ATRN: variants seen among roughly 807,000 people sequenced by gnomAD.
ATRN encodes the protein attractin.
In ATRN, 54 loss-of-function variants were observed where a neutral mutation model predicts 178.7. The observed-to-expected ratio is 0.30, with a 90% CI of 0.24 to 0.38. The LOEUF (loss-of-function observed/expected upper bound fraction) is 0.38. Ranked by LOEUF, ATRN falls within the 10% of genes least tolerant of loss-of-function variation. The pLI, the probability that ATRN is intolerant of heterozygous loss-of-function variation, is 1.00. For synonymous variants in ATRN, 636 were observed against 663.0 expected (o/e 0.96, Z 0.63); for missense variants, 1,443 against 1,815.1 (o/e 0.79, Z 3.73).
chr20:3,479,938 A>T (rs1300116967), intron 1 of ATRN, among the ~76,000 whole-genome samples: 3 of 152,216 alleles, frequency 2.0e-5, no homozygotes, highest in Non-Finnish European at 4.4e-5. Context: ...ACTTTGTTGC[A>T]TCTGCCAAGA....
At position 3,560,805 on chromosome 20, in the gene ATRN, A is replaced by G. The variant is rs759827235; in HGVS notation, c.1347A>G (p.Ala449=). 1.9e-6 allele frequency: 3 copies of G among 1,614,194 alleles called. No homozygotes were observed. The highest frequency in any genetic ancestry group is 3.3e-5 in the Admixed American group (2 of 60,022). ...AGTATGCAGTGGTTGGGCACTCTGC[A>G]CACATTGTTACACTGAAGAATGGCC... The part of the protein sequence containing the change: ...KEQYAVVGHS[A]HIVTLKNGRV... Residue 449 remains alanine (A), a synonymous_variant, in exon 8 of 29, where the codon GCA becomes GCG. Transcript: ENST00000262919.
At chr20:3,537,286 A>G (rs1250214261) in intron 2 of ATRN, among the ~76,000 whole-genome samples, 1 of 152,094 alleles carries the variant, frequency 6.6e-6, no homozygotes, top group Non-Finnish European at 1.5e-5. Context: ...TGCTTTCCTC[A>G]TTTTTAAGAA....
chr20:3,603,603 C>T (rs952714942), intron 23 of ATRN, among the ~76,000 whole-genome samples: 13 of 152,118 alleles, frequency 8.5e-5, no homozygotes, highest in Admixed American at 1.3e-4. Context: ...GATTCTCCTG[C>T]CTCAGCCTGC....
intron 1 of ATRN, among the ~76,000 whole-genome samples, chr20:3,523,613 C>T (rs888658098): frequency 2.0e-5 from 3 of 152,158 alleles, no homozygotes; most frequent in Non-Finnish European, 4.4e-5. Flanking sequence ...GACATATAAT[C>T]GTCAGATTCA....
intron 1 of ATRN, among the ~76,000 whole-genome samples, chr20:3,492,168 A>AGTGTGTGT (rs58489496): frequency 0.044 from 6,191 of 140,602 alleles, 207 homozygotes; most frequent in East Asian, 0.079. Flanking sequence ...TAGATAGGGG[A>AGTGTGTGT]GTGTGTGTGT....
intron 1 of ATRN, among the ~76,000 whole-genome samples, chr20:3,522,850 A>G (rs1045876474): frequency 2.0e-5 from 3 of 152,186 alleles, no homozygotes; most frequent in African/African-American, 7.2e-5. Context: ...ACTAACAAAC[A>G]GAAAGGAATA....
chr20:3,596,281 C>CT, intron 20 of ATRN, 96 bp from the exon 21 acceptor site: 2 of 1,271,522 alleles, frequency 1.6e-6, no homozygotes, highest in Non-Finnish European at 2.3e-6. Context: ...TGGCTCCAGA[C>CT]TATCTGTACT....
Position 3,471,482 on chromosome 20 carries a change from G to C in ATRN, c.375G>C (p.Val125=). Residue 125 remains valine (V), a synonymous_variant, in exon 1 of 29, where the codon GTG becomes GTC. Coordinates refer to ENST00000262919, the MANE Select transcript of ATRN (RefSeq NM_139321.3). The part of the protein sequence containing the change: ...TGQCVCPAGW[V]GEQCQHCGGR... ...AGTGCGTCTGCCCCGCCGGCTGGGT[G>C]GGCGAGCAATGCCAGCACTGCGGGG... 1 of 1,411,262 alleles carries C rather than the reference G, an allele frequency of 7.1e-7. No homozygotes were observed. Among genetic ancestry groups the C allele is most frequent in the Non-Finnish European group, 9.2e-7 (1 of 1,091,486 alleles). The allele number at this position is 1,411,262 out of a possible 1,614,324, so 87.4% of individuals were successfully genotyped here. A position where few individuals can be genotyped will look rare whatever the true frequency, so the allele number is the denominator to read the frequency against.
intron 1 of ATRN, among the ~76,000 whole-genome samples, chr20:3,534,325 C>CT (rs954144137): frequency 6.6e-6 from 1 of 151,944 alleles, no homozygotes; most frequent in African/African-American, 2.4e-5. Context: ...GGTCAGGGTG[C>CT]TTTTTTTGTG....
intron 3 of ATRN, among the ~76,000 whole-genome samples, chr20:3,544,967 A>T (rs1250977358): frequency 6.6e-6 from 1 of 152,158 alleles, no homozygotes; most frequent in African/African-American, 2.4e-5. Flanking sequence ...AAAATGGAAT[A>T]TACAATGTAA....
intron 1 of ATRN, among the ~76,000 whole-genome samples, chr20:3,497,682 G>A (rs2084900043): frequency 6.6e-6 from 1 of 152,054 alleles, no homozygotes; most frequent in Admixed American, 6.6e-5. Context: ...GGCGTTCTCT[G>A]TATTTCCTGA....
intron 24 of ATRN, among the ~76,000 whole-genome samples, chr20:3,621,704 T>A (rs7261782): frequency 0.032 from 4,881 of 152,260 alleles, 247 homozygotes; most frequent in African/African-American, 0.11. Flanking sequence ...TATTTCACCG[T>A]TTCCATAATA....
intron 12 of ATRN, among the ~76,000 whole-genome samples, chr20:3,574,317 G>C (rs1374772152): frequency 6.6e-6 from 1 of 152,162 alleles, no homozygotes; most frequent in South Asian, 2.1e-4. Flanking sequence ...TCTAAGACTA[G>C]CCTGGGCAAC....
intron 1 of ATRN, among the ~76,000 whole-genome samples, chr20:3,529,899 C>G (rs1370920779): frequency 6.6e-6 from 1 of 152,094 alleles, no homozygotes; most frequent in East Asian, 1.9e-4. Flanking sequence ...CAGTAAAATA[C>G]TGTCAGGTTA....
chr20:3,640,938 A>T (rs2087062640), intron 27 of ATRN, among the ~76,000 whole-genome samples: 2 of 152,332 alleles, frequency 1.3e-5, no homozygotes, highest in Non-Finnish European at 2.9e-5. Flanking sequence ...CTTCCAAAGG[A>T]AGCAAATTCT....
At chr20:3,521,013 A>G (rs2085287799) in intron 1 of ATRN, among the ~76,000 whole-genome samples, 1 of 152,196 alleles carries the variant, frequency 6.6e-6, no homozygotes, top group Admixed American at 6.6e-5. Flanking sequence ...AGAAAATGAA[A>G]CACCGCATGT....
chr20:3,506,624 CAA>C (rs1234061588), intron 1 of ATRN, among the ~76,000 whole-genome samples: 17 of 84,180 alleles, frequency 2.0e-4, no homozygotes, highest in South Asian at 3.6e-4. Flanking sequence ...GACTACATCT[CAA>C]AAAAAAAAAA....
At chr20:3,489,356 A>G (rs989986549) in intron 1 of ATRN, among the ~76,000 whole-genome samples, 21 of 152,190 alleles carry the variant, frequency 1.4e-4, no homozygotes, top group African/African-American at 4.8e-4. Flanking sequence ...TAAAACAGAT[A>G]AAACACATCT....
intron 18 of ATRN, among the ~76,000 whole-genome samples, chr20:3,589,939 T>TCTTG (rs887349031): frequency 6.6e-5 from 10 of 152,194 alleles, no homozygotes; most frequent in African/African-American, 1.9e-4. Context: ...TTTCTTTCAT[T>TCTTG]CTTGCTTGCT....
Sources: allele counts gnomAD v4.1 joint callset (sites outside exome capture counted in the v4.1 genomes callset), GRCh38; gene constraint gnomAD v4.1.1; transcripts MANE v1.5; gene names NCBI Gene and HGNC (gene_info 2026-07-23, HGNC 2026-07-21).